Variants in MEIS2 observed in about 807,000 individuals in gnomAD.
The protein encoded by MEIS2 is homeobox protein Meis2.
A neutral mutation model predicts 58.6 loss-of-function variants in MEIS2; 9 were observed. That is an observed-to-expected ratio of 0.15 (90% CI 0.09 to 0.27). The LOEUF (loss-of-function observed/expected upper bound fraction) is 0.27, where lower values mean the gene tolerates loss of function less well. Among genes scored for constraint, MEIS2 ranks in the 10% least tolerant of loss-of-function variants. The probability of loss-of-function intolerance (pLI) is 1.00; values close to 1 mark genes in which losing one functional copy is unlikely to be tolerated. For missense variants in MEIS2, 427 were observed against 635.0 expected, an observed-to-expected ratio of 0.67 and a Z score of 3.52; for synonymous variants, 221 against 228.4, an observed-to-expected ratio of 0.97 and a Z score of 0.29.
At chr15:37,031,953 C>T (rs920509963) in intron 8 of MEIS2, among the ~76,000 whole-genome samples, 1 of 151,720 alleles carries the variant, frequency 6.6e-6, no homozygotes, top group Non-Finnish European at 1.5e-5. Context: ...ATCTTCCCAC[C>T]TTGGCCTACT....
chr15:36,909,774 T>G (rs189644064), intron 9 of MEIS2, among the ~76,000 whole-genome samples: 1 of 132,176 alleles, frequency 7.6e-6, no homozygotes, highest in Non-Finnish European at 1.5e-5. Flanking sequence ...ATAACTGTAC[T>G]GGGGATGATG....
rs143427169 is a variant in MEIS2 at position 36,912,205 on chromosome 15, A to G, written c.978-15519T>C. Among the ~76,000 whole-genome samples, 463 of 152,310 alleles carry G rather than the reference A, an allele frequency of 3.0e-3. 1 individual carries two copies. Among genetic ancestry groups the G allele is most frequent in the African/African-American group, 0.011 (437 of 41,566 alleles). ...AACAAATGCTGGACAACAGTCCTGC[A>G]AAGACCACAGCAACCATGGAGTGGC... is the stretch of plus-strand genomic sequence containing the variant. On this transcript the variant is annotated intron_variant, in intron 9 of 11. Transcript: ENST00000561208.
chr15:37,083,906 A>T (rs1892566432), intron 6 of MEIS2, 21 bp from the exon 7 acceptor site: 2 of 1,605,960 alleles, frequency 1.2e-6, no homozygotes, highest in South Asian at 2.2e-5. Context: ...GATACCAAGG[A>T]ATTTTTCCAC....
At chr15:36,947,097 G>A (rs1176920276) in intron 9 of MEIS2, among the ~76,000 whole-genome samples, 2 of 151,988 alleles carry the variant, frequency 1.3e-5, no homozygotes, top group African/African-American at 4.8e-5. Flanking sequence ...AGCTTTGACA[G>A]TGAGGTGCAC....
At chr15:36,965,157 A>C (rs1302653082) in intron 8 of MEIS2, among the ~76,000 whole-genome samples, 1 of 152,186 alleles carries the variant, frequency 6.6e-6, no homozygotes, top group Non-Finnish European at 1.5e-5. Context: ...ACTTCCTAGG[A>C]ATAATTATTT....
At chr15:36,892,875 CATCTT>C (rs1376642428) in intron 11 of MEIS2, among the ~76,000 whole-genome samples, 2 of 152,174 alleles carry the variant, frequency 1.3e-5, no homozygotes, top group African/African-American at 2.4e-5. Context: ...ATAAAATTGA[CATCTT>C]ATCATATCTA....
chr15:37,073,246 T>C (rs182010400), intron 7 of MEIS2, among the ~76,000 whole-genome samples: 2 of 152,156 alleles, frequency 1.3e-5, no homozygotes, highest in East Asian at 3.9e-4. Flanking sequence ...TTCAGAAATA[T>C]TGCTGCTTGG....
At chr15:37,033,848 A>G (rs1392025119) in intron 8 of MEIS2, among the ~76,000 whole-genome samples, 1 of 152,168 alleles carries the variant, frequency 6.6e-6, no homozygotes, top group African/African-American at 2.4e-5. Context: ...CTCATTAAAG[A>G]TTGGAAAGTA....
chr15:36,902,845 A>C (rs1595684215), intron 9 of MEIS2, among the ~76,000 whole-genome samples: 1 of 152,318 alleles, frequency 6.6e-6, no homozygotes, highest in South Asian at 2.1e-4. Flanking sequence ...GTACCTCTTA[A>C]AGGAAAAGCT....
chr15:37,063,762 A>G (rs1889563031), intron 7 of MEIS2, among the ~76,000 whole-genome samples: 1 of 152,334 alleles, frequency 6.6e-6, no homozygotes, highest in African/African-American at 2.4e-5. Flanking sequence ...TGAATTCCAG[A>G]TGGCACTCTT....
At chr15:37,025,099 C>A (rs2061657720) in intron 8 of MEIS2, among the ~76,000 whole-genome samples, 1 of 152,180 alleles carries the variant, frequency 6.6e-6, no homozygotes, top group Non-Finnish European at 1.5e-5. Context: ...AGACTTAGGG[C>A]AAAAGAAACA....
At chr15:37,088,717 C>G (rs1893180922) in intron 6 of MEIS2, among the ~76,000 whole-genome samples, 1 of 152,178 alleles carries the variant, frequency 6.6e-6, no homozygotes, top group Admixed American at 6.6e-5. Flanking sequence ...ATGTAAGCAA[C>G]TCTCACAGAA....
At chr15:37,000,086 CAAA>C (rs2060666115) in intron 8 of MEIS2, among the ~76,000 whole-genome samples, 1 of 152,134 alleles carries the variant, frequency 6.6e-6, no homozygotes, top group African/African-American at 2.4e-5. Flanking sequence ...CAGGAGAAAA[CAAA>C]AGAGCAAATC....
At chr15:36,973,674 T>C (rs1163689315) in intron 8 of MEIS2, among the ~76,000 whole-genome samples, 1 of 151,874 alleles carries the variant, frequency 6.6e-6, no homozygotes, top group African/African-American at 2.4e-5. Flanking sequence ...ATAATAAGAG[T>C]TGAAAAAATA....
intron 8 of MEIS2, among the ~76,000 whole-genome samples, chr15:36,996,810 G>T (rs1003657801): frequency 1.3e-5 from 2 of 152,146 alleles, no homozygotes; most frequent in Admixed American, 6.5e-5. Flanking sequence ...GCATGATTTT[G>T]TCCCATTGTC....
intron 7 of MEIS2, among the ~76,000 whole-genome samples, chr15:37,045,479 A>T (rs1224604173): frequency 5.7e-5 from 8 of 139,640 alleles, no homozygotes; most frequent in Admixed American, 4.9e-4. Flanking sequence ...AAATGAGATT[A>T]AAAAAAAGAA....
At chr15:37,027,269 C>T (rs971623389) in intron 8 of MEIS2, among the ~76,000 whole-genome samples, 2 of 152,194 alleles carry the variant, frequency 1.3e-5, no homozygotes, top group East Asian at 3.9e-4. Flanking sequence ...CCTCTGAAAT[C>T]TGTGCAGTAA....
At chr15:36,892,481 G>C in intron 11 of MEIS2, 22 bp from the exon 12 acceptor site, 1 of 1,479,432 alleles carries the variant, frequency 6.8e-7, no homozygotes. Context: ...GAGGGAAAAA[G>C]AAAGCGGGTC....
intron 9 of MEIS2, chr15:36,901,013 A>G (rs548356085): frequency 1.3e-5 from 2 of 152,352 alleles, no homozygotes; most frequent in South Asian, 4.1e-4. Flanking sequence ...GAAAGCTGCC[A>G]TCCCTGAACA....
Sources: allele counts gnomAD v4.1 joint callset (sites outside exome capture counted in the v4.1 genomes callset), GRCh38; gene constraint gnomAD v4.1.1; transcripts MANE v1.5; gene names NCBI Gene and HGNC (gene_info 2026-07-23, HGNC 2026-07-21).